Variants in NFIB observed in about 807,000 individuals in gnomAD.
The protein encoded by NFIB is nuclear factor I B, also known as nuclear factor 1 B-type.
NFIB carries 11 observed loss-of-function variants against 61.5 expected under a neutral mutation model. The ratio of observed to expected loss-of-function variants is 0.18; its 90% CI spans 0.11 to 0.30. The LOEUF (loss-of-function observed/expected upper bound fraction) is 0.30, where lower values mean the gene tolerates loss of function less well. Among genes scored for constraint, NFIB ranks in the 10% least tolerant of loss-of-function variants. The pLI, the probability that NFIB is intolerant of heterozygous loss-of-function variation, is 1.00. For missense variants in NFIB, 471 were observed against 608.9 expected, an observed-to-expected ratio of 0.77 and a Z score of 2.38; for synonymous variants, 260 against 216.5, an observed-to-expected ratio of 1.20 and a Z score of -1.76.
At position 14,211,632 on chromosome 9, in the gene NFIB, G is replaced by A. The variant is rs568828065; in HGVS notation, c.563-31852C>T. The stretch of plus-strand genomic sequence containing the variant: ...GAGCCAGGGACAAAACAAGTCAAAG[G>A]AGTTGGTGACCAGGGCAATGGCCAG... On this transcript the variant is annotated intron_variant, in intron 2 of 10. Transcript: ENST00000380953. Among the ~76,000 whole-genome samples, 5 of 152,290 alleles carry A rather than the reference G, an allele frequency of 3.3e-5. No homozygotes were observed. The East Asian group carries it at 9.7e-4, about 30-fold the overall frequency.
chr9:14,363,691 T>C (rs151116986), intron 1 of NFIB, among the ~76,000 whole-genome samples: 246 of 151,532 alleles, frequency 1.6e-3, no homozygotes, highest in African/African-American at 5.8e-3. Flanking sequence ...ATATGTAGCA[T>C]AGAAAGTGGA....
intron 7 of NFIB, among the ~76,000 whole-genome samples, chr9:14,124,947 T>G (rs969680919): frequency 1.3e-5 from 2 of 152,296 alleles, no homozygotes; most frequent in South Asian, 2.1e-4. Flanking sequence ...AAATAGTGCC[T>G]TACGTCTTAA....
intron 6 of NFIB, among the ~76,000 whole-genome samples, chr9:14,134,212 C>T (rs2040736166): frequency 6.6e-6 from 1 of 152,116 alleles, no homozygotes; most frequent in African/African-American, 2.4e-5. Context: ...ATTATTACGG[C>T]TTATAACAAT....
intron 6 of NFIB, among the ~76,000 whole-genome samples, chr9:14,145,975 C>T (rs762047780): frequency 6.6e-6 from 1 of 152,180 alleles, no homozygotes; most frequent in Non-Finnish European, 1.5e-5. Context: ...CCAACAAAAA[C>T]TTCAGTTAGC....
chr9:14,238,370 A>G (rs1207606182), intron 2 of NFIB, among the ~76,000 whole-genome samples: 3 of 152,198 alleles, frequency 2.0e-5, no homozygotes, highest in African/African-American at 7.2e-5. Context: ...AGACTACTCA[A>G]GAGAGACAGT....
At chr9:14,128,030 AAT>A (rs2039904678) in intron 6 of NFIB, among the ~76,000 whole-genome samples, 1 of 152,128 alleles carries the variant, frequency 6.6e-6, no homozygotes, top group Non-Finnish European at 1.5e-5. Context: ...TGGTTTAAAA[AAT>A]AGACAAAGCT....
chr9:14,238,870 AAT>A (rs1284052813), intron 2 of NFIB, among the ~76,000 whole-genome samples: 6 of 152,264 alleles, frequency 3.9e-5, no homozygotes, highest in Admixed American at 1.3e-4. Flanking sequence ...AAAATAAATG[AAT>A]GAATGAAGGA....
chr9:14,388,835 A>G (rs2061586473), intron 1 of NFIB, among the ~76,000 whole-genome samples: 1 of 152,192 alleles, frequency 6.6e-6, no homozygotes, highest in Non-Finnish European at 1.5e-5. Context: ...TTTAAAATAC[A>G]TTTTCACTAT....
At chr9:14,241,733 G>A (rs1019099757) in intron 2 of NFIB, among the ~76,000 whole-genome samples, 1 of 152,042 alleles carries the variant, frequency 6.6e-6, no homozygotes, top group Non-Finnish European at 1.5e-5. Flanking sequence ...TGTACCAGAT[G>A]TTAAAAAAAA....
the NFIB span, among the ~76,000 whole-genome samples, chr9:14,500,433 C>T: frequency 1.3e-5 from 2 of 152,216 alleles, no homozygotes; most frequent in Admixed American, 6.5e-5. Flanking sequence ...CGTTAGCCAA[C>T]GTTATTACTC....
intron 5 of NFIB, among the ~76,000 whole-genome samples, chr9:14,149,591 G>A (rs951817772): frequency 1.7e-4 from 26 of 152,156 alleles, no homozygotes; most frequent in South Asian, 8.3e-4. Context: ...CCCCAACATA[G>A]AATGGTTAAA....
rs370793240 is a variant in NFIB at position 14,155,925 on chromosome 9, A to G, written c.617-32T>C. ...ATAAATATTAAAGGAAAAATGATCA[A>G]TATAAGCAGAAAGTAAAATAAATGA... On this transcript the variant is annotated intron_variant, in intron 3 of 10. Coordinates refer to ENST00000380953, the MANE Select transcript of NFIB (RefSeq NM_001190737.2). 2.9e-5 allele frequency: 39 copies of G among 1,329,730 alleles called. No homozygotes were observed. In the African/African-American group the frequency reaches 5.4e-4, roughly 18 times the overall value. 82.4% of individuals were successfully genotyped at this position (1,329,730 alleles called of 1,614,324 possible). A position where few individuals can be genotyped will look rare whatever the true frequency, so the allele number is the denominator to read the frequency against.
the NFIB span, among the ~76,000 whole-genome samples, chr9:14,486,225 G>A: frequency 6.6e-6 from 1 of 152,172 alleles, no homozygotes; most frequent in African/African-American, 2.4e-5. Flanking sequence ...AGAGGACATA[G>A]CTCCTTATGA....
At chr9:14,135,854 T>C (rs1222433640) in intron 6 of NFIB, among the ~76,000 whole-genome samples, 1 of 152,176 alleles carries the variant, frequency 6.6e-6, no homozygotes, top group Non-Finnish European at 1.5e-5. Context: ...TAAATGAAAT[T>C]CTTACTTTAA....
At chr9:14,326,778 G>T (rs1056354238) in intron 1 of NFIB, among the ~76,000 whole-genome samples, 1 of 150,554 alleles carries the variant, frequency 6.6e-6, no homozygotes, top group Non-Finnish European at 1.5e-5. Context: ...GGTAAATCCA[G>T]GATGCCTTCT....
the NFIB span, among the ~76,000 whole-genome samples, chr9:14,507,725 T>G: frequency 6.6e-6 from 1 of 151,848 alleles, no homozygotes; most frequent in Non-Finnish European, 1.5e-5. Context: ...TTGAGGAGAG[T>G]GAGAAGAAGA....
At chr9:14,175,420 C>T (rs1319918790) in intron 3 of NFIB, among the ~76,000 whole-genome samples, 4 of 152,112 alleles carry the variant, frequency 2.6e-5, no homozygotes, top group South Asian at 2.1e-4. Flanking sequence ...GTGATCCACT[C>T]GCCTCGGCCT....
chr9:14,495,041 T>C, the NFIB span, among the ~76,000 whole-genome samples: 1 of 152,262 alleles, frequency 6.6e-6, no homozygotes, highest in Non-Finnish European at 1.5e-5. Context: ...TGGAAAAACA[T>C]GTTTAAAAAC....
chr9:14,180,837 TG>T (rs1311840019), intron 2 of NFIB: 1 of 152,176 alleles, frequency 6.6e-6, no homozygotes, highest in Non-Finnish European at 1.5e-5. Flanking sequence ...GAGGAATGGA[TG>T]GCTCAGCTCC....
Sources: allele counts gnomAD v4.1 joint callset (sites outside exome capture counted in the v4.1 genomes callset), GRCh38; gene constraint gnomAD v4.1.1; transcripts MANE v1.5; gene names NCBI Gene and HGNC (gene_info 2026-07-23, HGNC 2026-07-21).